The following DAB1 variants were observed in gnomAD, a reference collection of about 807,000 sequenced individuals.
DAB1 encodes disabled homolog 1.
Under a neutral mutation model 64.6 loss-of-function variants are expected in DAB1, and 15 were observed. The ratio of observed to expected loss-of-function variants is 0.23; its 90% CI spans 0.16 to 0.36. The LOEUF (loss-of-function observed/expected upper bound fraction) is 0.36. Ranked by LOEUF, DAB1 falls within the 10% of genes least tolerant of loss-of-function variation. The pLI, the probability that DAB1 is intolerant of heterozygous loss-of-function variation, is 1.00. For synonymous variants in DAB1, 235 were observed against 251.9 expected (o/e 0.93, Z 0.64); for missense variants, 596 against 706.7 (o/e 0.84, Z 1.78).
At chr1:58,456,400 G>A (rs1288382892) in intron 3 of DAB1, among the ~76,000 whole-genome samples, 1 of 152,210 alleles carries the variant, frequency 6.6e-6, no homozygotes, top group Non-Finnish European at 1.5e-5. Flanking sequence ...CTAGAAGTGG[G>A]AAGGTGATGA....
At chr1:58,471,638 T>C (rs534665005) in intron 3 of DAB1, among the ~76,000 whole-genome samples, 24 of 152,258 alleles carry the variant, frequency 1.6e-4, no homozygotes, top group African/African-American at 2.9e-4. Flanking sequence ...TGAGAGGTGA[T>C]TGGATCATGG....
chr1:57,202,825 G>T (rs926664091), intron 2 of DAB1, among the ~76,000 whole-genome samples: 1 of 152,056 alleles, frequency 6.6e-6, no homozygotes, highest in Non-Finnish European at 1.5e-5. Context: ...TTGCTCTCAG[G>T]ATGAAGTCCA....
At chr1:57,966,333 C>T (rs910317040) in intron 5 of DAB1, among the ~76,000 whole-genome samples, 1 of 152,106 alleles carries the variant, frequency 6.6e-6, no homozygotes, top group East Asian at 1.9e-4. Flanking sequence ...TTTTTGTGGG[C>T]TCTGGAGACT....
At chr1:57,301,283 G>A (rs1216593984) in intron 1 of DAB1, among the ~76,000 whole-genome samples, 1 of 152,042 alleles carries the variant, frequency 6.6e-6, no homozygotes, top group Non-Finnish European at 1.5e-5. Flanking sequence ...AGCCTCCCAG[G>A]GCAGAGTCTG....
chr1:57,534,353 T>A (rs575200761), intron 7 of DAB1, among the ~76,000 whole-genome samples: 1 of 152,174 alleles, frequency 6.6e-6, no homozygotes, highest in Non-Finnish European at 1.5e-5. Flanking sequence ...TTGATGTGAG[T>A]CTGTGTTGGC....
chr1:57,279,210 T>C (rs1671704142), intron 2 of DAB1, among the ~76,000 whole-genome samples: 1 of 152,204 alleles, frequency 6.6e-6, no homozygotes, highest in African/African-American at 2.4e-5. Flanking sequence ...TCTCCATAGA[T>C]AACAAAATCT....
intron 7 of DAB1, among the ~76,000 whole-genome samples, chr1:57,532,439 A>G (rs1644675748): frequency 1.3e-5 from 2 of 151,996 alleles, no homozygotes; most frequent in Admixed American, 6.6e-5. Context: ...CATTTTTCAC[A>G]CTATACTCTA....
intron 2 of DAB1, among the ~76,000 whole-genome samples, chr1:57,273,795 C>T (rs1383299375): frequency 1.3e-5 from 2 of 151,972 alleles, no homozygotes; most frequent in African/African-American, 2.4e-5. Context: ...ATCTCACCAG[C>T]CCTTGACTGC....
At chr1:58,348,347 C>T (rs1309196776) in intron 3 of DAB1, among the ~76,000 whole-genome samples, 1 of 152,104 alleles carries the variant, frequency 6.6e-6, no homozygotes, top group Non-Finnish European at 1.5e-5. Context: ...TTCCAACAAA[C>T]CGCAAGCCAG....
At chr1:58,475,280 C>T (rs541600439) in intron 3 of DAB1, among the ~76,000 whole-genome samples, 69 of 152,140 alleles carry the variant, frequency 4.5e-4, no homozygotes, top group African/African-American at 1.7e-3. Context: ...CTCAGCCTCC[C>T]GAGTAACTGG....
At position 57,015,505 on chromosome 1, in the gene DAB1, T is replaced by C. The variant is rs1225865720; in HGVS notation, c.896-74A>G. The C allele has an allele frequency of 5.2e-6, 7 of 1,358,200 alleles. No individual in the cohort carries two copies. In the Admixed American group the frequency reaches 7.1e-5, roughly 14 times the overall value. 84.1% of individuals were successfully genotyped at this position (1,358,200 alleles called of 1,614,324 possible). A position where few individuals can be genotyped will look rare whatever the true frequency, so the allele number is the denominator to read the frequency against. On this transcript the variant is annotated intron_variant, in intron 11 of 14. Coordinates refer to ENST00000371236, the MANE Select transcript of DAB1 (RefSeq NM_001365792.1). ...AAGAAGGATGCATGGACTCAGGTAA[T>C]TGACAGAAATGTATCAAGCACCAAC...
intron 7 of DAB1, among the ~76,000 whole-genome samples, chr1:57,557,479 T>C (rs1645003667): frequency 6.6e-6 from 1 of 152,024 alleles, no homozygotes; most frequent in African/African-American, 2.4e-5. Context: ...TGTATATATA[T>C]ATATTTCATT....
chr1:57,594,456 T>C (rs1645482348), intron 7 of DAB1, among the ~76,000 whole-genome samples: 1 of 151,908 alleles, frequency 6.6e-6, no homozygotes, highest in Non-Finnish European at 1.5e-5. Context: ...CCACAGCCAG[T>C]AGGGTGACTG....
At chr1:57,446,228 A>G (rs988957015) in intron 7 of DAB1, among the ~76,000 whole-genome samples, 1 of 152,320 alleles carries the variant, frequency 6.6e-6, no homozygotes, top group African/African-American at 2.4e-5. Flanking sequence ...CCATTAATCC[A>G]TGTTAATAGT....
intron 4 of DAB1, among the ~76,000 whole-genome samples, chr1:58,171,028 C>T (rs1656144081): frequency 6.6e-6 from 1 of 152,232 alleles, no homozygotes; most frequent in Non-Finnish European, 1.5e-5. Context: ...CTCTAACTTT[C>T]TCCCACCTCC....
At chr1:58,442,288 G>T (rs697586) in intron 3 of DAB1, among the ~76,000 whole-genome samples, 18,322 of 152,156 alleles carry the variant, frequency 0.12, 1,351 homozygotes, top group East Asian at 0.3. Context: ...GGACCTGGAG[G>T]CTGACTGAGC....
chr1:58,180,761 C>T (rs1282003134), intron 4 of DAB1, among the ~76,000 whole-genome samples: 5 of 152,080 alleles, frequency 3.3e-5, no homozygotes. Flanking sequence ...TGTCTAATTG[C>T]CAAATATTTG....
chr1:57,642,866 A>G (rs1203095577), intron 7 of DAB1, among the ~76,000 whole-genome samples: 1 of 152,080 alleles, frequency 6.6e-6, no homozygotes, highest in East Asian at 1.9e-4. Context: ...ATATCTCTAG[A>G]CTTTCTCCAT....
chr1:57,433,544 T>G (rs1347275458), intron 7 of DAB1, among the ~76,000 whole-genome samples: 2 of 151,946 alleles, frequency 1.3e-5, no homozygotes, highest in Non-Finnish European at 2.9e-5. Flanking sequence ...AAAGCTAAAA[T>G]GGTAAAAGTT....
Sources: gnomAD v4.1 joint callset for allele counts (sites outside exome capture counted in the v4.1 genomes callset) on GRCh38, gnomAD v4.1.1 for gene constraint, MANE v1.5 for transcripts, NCBI Gene and HGNC (gene_info 2026-07-23, HGNC 2026-07-21) for gene names.